The following SEC24D variants were observed in gnomAD, a reference collection of about 807,000 sequenced individuals.
SEC24D encodes the protein protein transport protein Sec24D.
In SEC24D, 69 loss-of-function variants were observed where a neutral mutation model predicts 116.9. The observed-to-expected ratio is 0.59, with a 90% CI of 0.49 to 0.72. SEC24D has a LOEUF of 0.72. SEC24D is among the 30% of genes least tolerant of loss of function. The probability of loss-of-function intolerance (pLI) is 0.00; values close to 1 mark genes in which losing one functional copy is unlikely to be tolerated. For missense variants in SEC24D, 1,131 were observed against 1,264.1 expected (o/e 0.89, Z 1.60); for synonymous variants, 405 against 442.8 (o/e 0.91, Z 1.07).
chr4:118,782,395 C>T (rs973956806), intron 8 of SEC24D, among the ~76,000 whole-genome samples: 4 of 152,302 alleles, frequency 2.6e-5, no homozygotes, highest in African/African-American at 9.6e-5. Flanking sequence ...CCCTGTTTGC[C>T]TGGGTATCAC....
At chr4:118,769,862 A>G (rs995261645) in intron 8 of SEC24D, 1 of 152,366 alleles carries the variant, frequency 6.6e-6, no homozygotes, top group East Asian at 1.9e-4. Context: ...AGGGGTTGTG[A>G]CAAGGATTAG....
At chr4:118,744,920 G>T in intron 14 of SEC24D, 24 bp downstream of exon 14, 1 of 1,251,718 alleles carries the variant, frequency 8.0e-7, no homozygotes, top group Non-Finnish European at 1.2e-6. Context: ...TTGACATATG[G>T]ATACTCAAAG....
chr4:118,738,089 T>TA (rs577051087), intron 19 of SEC24D, 172 bp downstream of exon 19: 64,872 of 423,588 alleles, frequency 0.15, 1 homozygote, highest in East Asian at 0.19. Flanking sequence ...ATGTTGGCTA[T>TA]AAAAAAAAAA....
chr4:118,767,675 A>G (rs1420551943), intron 9 of SEC24D, among the ~76,000 whole-genome samples: 1 of 152,216 alleles, frequency 6.6e-6, no homozygotes, highest in African/African-American at 2.4e-5. Flanking sequence ...GCCCTTTTTA[A>G]TAATGTTCCT....
At chr4:118,735,344 A>G (rs1725904365) in intron 19 of SEC24D, among the ~76,000 whole-genome samples, 1 of 152,192 alleles carries the variant, frequency 6.6e-6, no homozygotes, top group Admixed American at 6.5e-5. Flanking sequence ...TACCACTGTA[A>G]AATCTCCCCA....
intron 2 of SEC24D, 121 bp downstream of exon 2, chr4:118,833,458 C>T (rs1730960711): frequency 1.5e-6 from 1 of 679,660 alleles, no homozygotes; most frequent in Non-Finnish European, 2.5e-6. Context: ...ATCCTGTAAT[C>T]TCAAGCCATT....
intron 7 of SEC24D, among the ~76,000 whole-genome samples, chr4:118,801,654 T>C (rs115317002): frequency 0.049 from 7,442 of 152,306 alleles, 221 homozygotes; most frequent in Non-Finnish European, 0.064. Flanking sequence ...TCGTTAAAAT[T>C]ACCAATAAAA....
chr4:118,752,113 G>A (rs1726870510), intron 12 of SEC24D, 24 bp from the exon 13 acceptor site: 26 of 1,429,978 alleles, frequency 1.8e-5, no homozygotes, highest in Non-Finnish European at 2.6e-5. Context: ...GTAAGCAAAA[G>A]GTTTGAAATG....
At chr4:118,825,590 G>A in intron 2 of SEC24D, 1 of 456,202 alleles carries the variant, frequency 2.2e-6, no homozygotes, top group South Asian at 1.5e-5. Flanking sequence ...TGGGCAAGAA[G>A]CTTATCTTTA....
rs1395275986 is a variant in SEC24D at position 118,815,588 on chromosome 4, T to C, written c.536A>G (p.Asn179Ser). The C allele has an allele frequency of 6.2e-6, 10 of 1,613,922 alleles. No homozygotes were observed. The highest frequency in any genetic ancestry group is 4.4e-5 in the South Asian group (4 of 91,066). ...AGGCAAAGGTGAGGCACCAGGACCA[T>C]TGAGTGTGGTGGGTGGTGGTGGAAG... ...QVLPPPPTTL[N>S]GPGASPLPLP... Residue 179 changes from asparagine (N) to serine (S), a missense_variant, in exon 5 of 23, where the codon AAT (asparagine) becomes AGT (serine). Coordinates refer to ENST00000280551, the MANE Select transcript of SEC24D (RefSeq NM_014822.4).
intron 10 of SEC24D, 67 bp downstream of exon 10, chr4:118,764,735 C>T (rs1727555212): frequency 5.5e-6 from 5 of 916,346 alleles, no homozygotes; most frequent in Non-Finnish European, 8.8e-6. Flanking sequence ...CAGTTCTTTA[C>T]ATATGAAAGT....
chr4:118,815,826 G>T, intron 4 of SEC24D, 100 bp from the exon 5 acceptor site: 1 of 1,284,258 alleles, frequency 7.8e-7, no homozygotes, highest in Non-Finnish European at 1.1e-6. Flanking sequence ...CTGACATAAA[G>T]CAAGAGGACA....
At chr4:118,753,338 G>A (rs1178217134) in intron 11 of SEC24D, among the ~76,000 whole-genome samples, 1 of 152,126 alleles carries the variant, frequency 6.6e-6, no homozygotes, top group African/African-American at 2.4e-5. Context: ...TGCTTTTATT[G>A]AGAAAACACT....
rs1198150741 is a variant in SEC24D at position 118,731,197 on chromosome 4, T to C, written c.2868+119A>G. Reference sequence around the variant, plus strand: ...TCAAAACATGAAATTATTTCTTTCATATACAGAAATATATGCCTTATTATT... The same window carrying C: ...TCAAAACATGAAATTATTTCTTTCACATACAGAAATATATGCCTTATTATT... On this transcript the variant is annotated intron_variant, in intron 21 of 22. Coordinates refer to ENST00000280551, the MANE Select transcript of SEC24D (RefSeq NM_014822.4). 3 of 789,084 alleles carry C rather than the reference T, an allele frequency of 3.8e-6. No individual in the cohort carries two copies. In the African/African-American group the frequency reaches 5.2e-5, roughly 14 times the overall value. The allele number at this position is 789,084 out of a possible 1,614,324, so 48.9% of individuals were successfully genotyped here.
chr4:118,777,258 C>T (rs1728179476), intron 8 of SEC24D, among the ~76,000 whole-genome samples: 1 of 152,150 alleles, frequency 6.6e-6, no homozygotes, highest in Non-Finnish European at 1.5e-5. Context: ...AATGCTATCC[C>T]TCCCCCAGCC....
intron 8 of SEC24D, among the ~76,000 whole-genome samples, chr4:118,777,436 G>C (rs1456297246): frequency 1.3e-5 from 2 of 152,132 alleles, no homozygotes; most frequent in African/African-American, 4.8e-5. Flanking sequence ...CCCTAAAAAG[G>C]ACATAAACTC....
intron 13 of SEC24D, among the ~76,000 whole-genome samples, chr4:118,751,788 G>T (rs367926003): frequency 6.6e-6 from 1 of 152,188 alleles, no homozygotes; most frequent in Non-Finnish European, 1.5e-5. Context: ...GAGTTGCTCA[G>T]ATGCTAACAG....
chr4:118,761,673 G>T (rs1727381981), intron 10 of SEC24D, among the ~76,000 whole-genome samples: 2 of 152,336 alleles, frequency 1.3e-5, no homozygotes, highest in South Asian at 4.1e-4. Context: ...TTTGAGGGAA[G>T]GGGGAATATA....
At chr4:118,745,576 C>T (rs1261911400) in intron 13 of SEC24D, among the ~76,000 whole-genome samples, 2 of 152,078 alleles carry the variant, frequency 1.3e-5, no homozygotes, top group Non-Finnish European at 2.9e-5. Context: ...CAGGAACCAG[C>T]TATGAGGCAT....
Sources: allele counts gnomAD v4.1 joint callset (sites outside exome capture counted in the v4.1 genomes callset), GRCh38; gene constraint gnomAD v4.1.1; transcripts MANE v1.5; gene names NCBI Gene and HGNC (gene_info 2026-07-23, HGNC 2026-07-21).